ENKUR: variants seen among roughly 807,000 people sequenced by gnomAD.
ENKUR encodes enkurin, TRPC channel interacting protein.
Under a neutral mutation model 27.6 loss-of-function variants are expected in ENKUR, and 19 were observed. The ratio of observed to expected loss-of-function variants is 0.69; its 90% CI spans 0.48 to 1.01. The LOEUF (loss-of-function observed/expected upper bound fraction) is 1.01, where lower values mean the gene tolerates loss of function less well. ENKUR is among the 50% of genes least tolerant of loss of function. The pLI, the probability that ENKUR is intolerant of heterozygous loss-of-function variation, is 0.00. For synonymous variants in ENKUR, 117 were observed against 96.9 expected, an observed-to-expected ratio of 1.21 and a Z score of -1.22; for missense variants, 312 against 310.5, an observed-to-expected ratio of 1.00 and a Z score of -0.04.
chr10:24,984,434 C>T (rs1849736381), intron 5 of ENKUR, 58 bp from the exon 6 acceptor site: 1 of 1,538,416 alleles, frequency 6.5e-7, no homozygotes, highest in Non-Finnish European at 8.7e-7. Context: ...TTTTCAGGAC[C>T]TAGAAATTAA....
chr10:24,982,627 G>A lies in ENKUR; in HGVS notation c.*1743C>T, dbSNP rs539419730. Reference sequence around the variant, plus strand: ...GGTCAGCTGTCCAAGTCAGATGTTTGTCCCTCTTTTGGGTGATAGGATGAC... The same window carrying A: ...GGTCAGCTGTCCAAGTCAGATGTTTATCCCTCTTTTGGGTGATAGGATGAC... On this transcript the variant is annotated 3_prime_UTR_variant, in exon 6 of 6. Coordinates refer to ENST00000331161, the MANE Select transcript of ENKUR (RefSeq NM_145010.4). 6.6e-6 allele frequency: 1 copy of A among 152,322 alleles called. No individual in the cohort carries two copies. Among genetic ancestry groups the A allele is most frequent in the African/African-American group, 2.4e-5 (1 of 41,552 alleles). 9.4% of individuals were successfully genotyped at this position (152,322 alleles called of 1,614,324 possible).
intron 2 of ENKUR, among the ~76,000 whole-genome samples, chr10:25,053,918 C>T (rs1851216555): frequency 6.6e-6 from 1 of 152,122 alleles, no homozygotes; most frequent in African/African-American, 2.4e-5. Context: ...GTTGGAGCCC[C>T]CAAGCATCCT....
rs112576377 is a variant in ENKUR at position 24,997,586 on chromosome 10, A to C, written c.224-1717T>G. 3.3e-3 allele frequency among the ~76,000 whole-genome samples: 500 copies of C among 151,874 alleles called. 2 individuals are homozygous for C. The highest frequency in any genetic ancestry group is 9.2e-3 in the African/African-American group (381 of 41,406). ...AAATTTTTTATAGAGATAGGGTCTCACTTTGTTGCTCAGGCTGGTCTCGTA... is the reference window on the plus strand; with the variant it reads ...AAATTTTTTATAGAGATAGGGTCTCCCTTTGTTGCTCAGGCTGGTCTCGTA... On this transcript the variant is annotated intron_variant, in intron 2 of 5. Coordinates refer to ENST00000331161, the MANE Select transcript of ENKUR (RefSeq NM_145010.4).
intron 2 of ENKUR, among the ~76,000 whole-genome samples, chr10:24,998,468 G>A (rs1052753884): frequency 6.6e-6 from 1 of 151,548 alleles, no homozygotes; most frequent in Non-Finnish European, 1.5e-5. Flanking sequence ...TCGAACTCTT[G>A]GGCTCAAGCG....
chr10:24,986,970 TAAG>T (rs761109449), intron 4 of ENKUR, among the ~76,000 whole-genome samples: 40 of 152,184 alleles, frequency 2.6e-4, no homozygotes, highest in Non-Finnish European at 5.0e-4. Context: ...GATCTTATAA[TAAG>T]AAGTTTTCAG....
chr10:24,994,311 T>C (rs1490526713), intron 3 of ENKUR, among the ~76,000 whole-genome samples: 1 of 151,616 alleles, frequency 6.6e-6, no homozygotes, highest in African/African-American at 2.4e-5. Context: ...TTGATGCAAC[T>C]TATTATTCTT....
intron 1 of ENKUR, among the ~76,000 whole-genome samples, chr10:25,006,993 T>C (rs537488992): frequency 2.0e-5 from 3 of 152,334 alleles, no homozygotes; most frequent in African/African-American, 7.2e-5. Flanking sequence ...TTGCTATTAA[T>C]AGTATTCTTG....
chr10:25,040,840 G>A (rs1356865058), intron 2 of ENKUR, among the ~76,000 whole-genome samples: 1 of 152,192 alleles, frequency 6.6e-6, no homozygotes, highest in Non-Finnish European at 1.5e-5. Flanking sequence ...TTGGTTTATT[G>A]TCTTTCTTAC....
At chr10:25,016,226 C>A, upstream of ENKUR, 1 of 1,087,510 alleles carries the variant, frequency 9.2e-7, no homozygotes, top group Non-Finnish European at 1.1e-6. Context: ...CTAGGTCTCC[C>A]CTCTTCCCTC....
intron 2 of ENKUR, among the ~76,000 whole-genome samples, chr10:25,055,241 T>C (rs867170420): frequency 1.1e-4 from 16 of 152,132 alleles, no homozygotes; most frequent in Middle Eastern, 3.4e-3. Context: ...AAATGCGAAG[T>C]GTCAAGTTTA....
chr10:25,040,872 A>G (rs1851056747), intron 2 of ENKUR, among the ~76,000 whole-genome samples: 1 of 152,230 alleles, frequency 6.6e-6, no homozygotes, highest in Admixed American at 6.5e-5. Flanking sequence ...CTTGCTGTGT[A>G]AATTCAGAAA....
At chr10:25,023,268 G>C (rs1289588239) in intron 2 of ENKUR, 6 of 1,613,702 alleles carry the variant, frequency 3.7e-6, no homozygotes, top group Non-Finnish European at 5.1e-6. Flanking sequence ...AGATAACACA[G>C]AAATGTTTTT....
intron 3 of ENKUR, among the ~76,000 whole-genome samples, chr10:24,994,459 G>A (rs527520188): frequency 2.0e-5 from 3 of 151,174 alleles, no homozygotes; most frequent in Non-Finnish European, 2.9e-5. Context: ...TTAGCCACCC[G>A]AGTAGCTGGG....
At chr10:24,988,631 GCTGGC>G (rs1849845721) in intron 4 of ENKUR, among the ~76,000 whole-genome samples, 1 of 90,474 alleles carries the variant, frequency 1.1e-5, no homozygotes, top group South Asian at 3.6e-4. Flanking sequence ...TAGATCTTTA[GCTGGC>G]CTGAAAATGT....
chr10:25,027,725 CA>C (rs2132770981), intron 2 of ENKUR, among the ~76,000 whole-genome samples: 1 of 151,672 alleles, frequency 6.6e-6, no homozygotes, highest in African/African-American at 2.4e-5. Flanking sequence ...ACAAAAAATA[CA>C]AAAAATTAGC....
chr10:24,988,654 C>G (rs1849846783), intron 4 of ENKUR, among the ~76,000 whole-genome samples: 1 of 76,568 alleles, frequency 1.3e-5, no homozygotes, highest in African/African-American at 5.7e-5. Flanking sequence ...TGTAGAGTGA[C>G]ACAGCATATG....
Position 24,995,641 on chromosome 10 carries a change from G to C in ENKUR, c.447+5C>G. The C allele has an allele frequency of 6.2e-7, 1 of 1,605,600 alleles. No individual in the cohort carries two copies. Among genetic ancestry groups the C allele is most frequent in the Non-Finnish European group, 8.5e-7 (1 of 1,176,504 alleles). ...AGCCCTCTTATTAATATACCACAAG[G>C]CTACCTTTTTATTGATGTACTTTGG... On this transcript the variant is annotated splice_donor_5th_base_variant and intron_variant, in intron 3 of 5. Coordinates refer to ENST00000331161, the MANE Select transcript of ENKUR (RefSeq NM_145010.4).
At chr10:25,029,162 ACTT>A (rs1227420232) in intron 2 of ENKUR, among the ~76,000 whole-genome samples, 1 of 152,152 alleles carries the variant, frequency 6.6e-6, no homozygotes, top group East Asian at 1.9e-4. Flanking sequence ...GTGACTGTAA[ACTT>A]CTTAACATTT....
chr10:25,024,878 G>A, intron 2 of ENKUR: 4 of 1,613,906 alleles, frequency 2.5e-6, no homozygotes, highest in Non-Finnish European at 3.4e-6. Flanking sequence ...TATGATCTAA[G>A]GGAAAGAAAA....
Sources: gnomAD v4.1 joint callset for allele counts (sites outside exome capture counted in the v4.1 genomes callset) on GRCh38, gnomAD v4.1.1 for gene constraint, MANE v1.5 for transcripts, NCBI Gene and HGNC (gene_info 2026-07-23, HGNC 2026-07-21) for gene names.